The following LRFN2 variants were observed in gnomAD, a reference collection of about 807,000 sequenced individuals.
LRFN2 encodes the protein leucine-rich repeat and fibronectin type-III domain-containing protein 2.
LRFN2 carries 18 observed loss-of-function variants against 37.3 expected under a neutral mutation model. The ratio of observed to expected loss-of-function variants is 0.48; its 90% CI spans 0.33 to 0.72. The LOEUF is 0.72. Among genes scored for constraint, LRFN2 ranks in the 30% least tolerant of loss-of-function variants. The pLI, the probability that LRFN2 is intolerant of heterozygous loss-of-function variation, is 0.02. For missense variants in LRFN2, 1,006 were observed against 1,060.7 expected (o/e 0.95, Z 0.72); for synonymous variants, 556 against 466.6 (o/e 1.19, Z -2.47).
At chr6:40,393,121 A>G (rs1169664433) in intron 2 of LRFN2, among the ~76,000 whole-genome samples, 1 of 147,742 alleles carries the variant, frequency 6.8e-6, no homozygotes, top group African/African-American at 2.5e-5. Context: ...AGAAGGAGAG[A>G]CAGAGGAGAG....
chr6:40,503,971 A>G (rs954696934), intron 1 of LRFN2, among the ~76,000 whole-genome samples: 4 of 152,034 alleles, frequency 2.6e-5, no homozygotes, highest in African/African-American at 9.7e-5. Flanking sequence ...AAAAAAAAAA[A>G]AGAGGCAATT....
chr6:40,536,960 C>T (rs1442208607), intron 1 of LRFN2, among the ~76,000 whole-genome samples: 3 of 152,198 alleles, frequency 2.0e-5, no homozygotes, highest in Non-Finnish European at 4.4e-5. Context: ...TTTCTTAAAC[C>T]TCACCACAAC....
chr6:40,534,557 C>G (rs994202568), intron 1 of LRFN2, among the ~76,000 whole-genome samples: 1 of 152,148 alleles, frequency 6.6e-6, no homozygotes, highest in Non-Finnish European at 1.5e-5. Flanking sequence ...TGGAACTGTC[C>G]TGTGCTTCAG....
chr6:40,450,829 A>T (rs1391539647), intron 1 of LRFN2, among the ~76,000 whole-genome samples: 1 of 152,260 alleles, frequency 6.6e-6, no homozygotes, highest in Non-Finnish European at 1.5e-5. Flanking sequence ...ATATAATGTA[A>T]GAAGCAAATG....
chr6:40,491,521 T>G (rs1765097084), intron 1 of LRFN2, among the ~76,000 whole-genome samples: 1 of 149,038 alleles, frequency 6.7e-6, no homozygotes, highest in Non-Finnish European at 1.5e-5. Context: ...CCTCACTCTA[T>G]TTTGCCATGT....
intron 1 of LRFN2, among the ~76,000 whole-genome samples, chr6:40,545,286 G>T (rs1766637140): frequency 6.6e-6 from 1 of 152,204 alleles, no homozygotes; most frequent in Non-Finnish European, 1.5e-5. Context: ...GGTGTAAAGG[G>T]CAGAGCCTCC....
intron 1 of LRFN2, among the ~76,000 whole-genome samples, chr6:40,489,659 A>G (rs1280239100): frequency 2.6e-5 from 4 of 152,066 alleles, no homozygotes; most frequent in Non-Finnish European, 4.4e-5. Context: ...GGAGGGCAGA[A>G]GGACACAATT....
intron 1 of LRFN2, among the ~76,000 whole-genome samples, chr6:40,437,457 T>C (rs1026715967): frequency 2.6e-5 from 4 of 152,178 alleles, no homozygotes; most frequent in African/African-American, 9.6e-5. Flanking sequence ...TTTCAAACAG[T>C]TGTGTCCTTG....
At chr6:40,528,799 C>T (rs1384550273) in intron 1 of LRFN2, among the ~76,000 whole-genome samples, 1 of 152,152 alleles carries the variant, frequency 6.6e-6, no homozygotes, top group East Asian at 1.9e-4. Context: ...TTCTTTCTCC[C>T]TTTCTAGGGC....
chr6:40,543,654 G>A (rs898390795), intron 1 of LRFN2, among the ~76,000 whole-genome samples: 5 of 152,188 alleles, frequency 3.3e-5, no homozygotes, highest in African/African-American at 1.2e-4. Flanking sequence ...GAAAATCAAA[G>A]GAAAGGGATT....
chr6:40,535,033 C>T (rs1415199942), intron 1 of LRFN2, among the ~76,000 whole-genome samples: 1 of 152,210 alleles, frequency 6.6e-6, no homozygotes, highest in Non-Finnish European at 1.5e-5. Context: ...AAAGCCCAGG[C>T]TTTTAATCAC....
chr6:40,538,567 G>A (rs998212153), intron 1 of LRFN2, among the ~76,000 whole-genome samples: 17 of 152,218 alleles, frequency 1.1e-4, no homozygotes, highest in South Asian at 2.1e-4. Context: ...TCCTTGCTGC[G>A]CAAGATCCTC....
chr6:40,543,573 A>G (rs1316746602), intron 1 of LRFN2, among the ~76,000 whole-genome samples: 1 of 152,206 alleles, frequency 6.6e-6, no homozygotes, highest in African/African-American at 2.4e-5. Context: ...CCATGTTTAT[A>G]AATCTCTTAA....
At chr6:40,509,165 G>T (rs1482288389) in intron 1 of LRFN2, among the ~76,000 whole-genome samples, 1 of 152,218 alleles carries the variant, frequency 6.6e-6, no homozygotes. Flanking sequence ...CCTAGCCAAG[G>T]ATGACACACT....
intron 1 of LRFN2, among the ~76,000 whole-genome samples, chr6:40,571,522 G>GGGGA (rs1298511248): frequency 2.0e-5 from 3 of 152,188 alleles, no homozygotes; most frequent in Admixed American, 2.0e-4. Flanking sequence ...GCAGGGCAAT[G>GGGGA]GGGAGGGAGG....
intron 1 of LRFN2, among the ~76,000 whole-genome samples, chr6:40,525,340 T>C (rs1766222122): frequency 6.6e-6 from 1 of 152,190 alleles, no homozygotes; most frequent in African/African-American, 2.4e-5. Flanking sequence ...ATATGACAAA[T>C]GACAACTAAA....
chr6:40,471,289 C>T (rs1162403909), intron 1 of LRFN2, among the ~76,000 whole-genome samples: 1 of 152,134 alleles, frequency 6.6e-6, no homozygotes, highest in Non-Finnish European at 1.5e-5. Flanking sequence ...TTCCCAAAAT[C>T]CAAACCATGG....
intron 1 of LRFN2, among the ~76,000 whole-genome samples, chr6:40,477,856 C>T (rs1038842701): frequency 2.0e-5 from 3 of 152,176 alleles, no homozygotes; most frequent in African/African-American, 7.2e-5. Flanking sequence ...TTTAGAGACC[C>T]GACGCTCCTC....
At chr6:40,465,479 C>T (rs886140566) in intron 1 of LRFN2, among the ~76,000 whole-genome samples, 1 of 152,212 alleles carries the variant, frequency 6.6e-6, no homozygotes, top group Non-Finnish European at 1.5e-5. Flanking sequence ...TTCCTGCTCT[C>T]ACTTCCTTAC....
Sources: gnomAD v4.1 joint callset for allele counts (sites outside exome capture counted in the v4.1 genomes callset) on GRCh38, gnomAD v4.1.1 for gene constraint, MANE v1.5 for transcripts, NCBI Gene and HGNC (gene_info 2026-07-23, HGNC 2026-07-21) for gene names.